Variants in PVT1 observed in about 807,000 individuals in gnomAD.
PVT1 encodes Pvt1 oncogene, also known as CXCR4/PVT1 fusion.
At chr8:128,031,302 C>T (rs1015157019) in intron 4 of PVT1, among the ~76,000 whole-genome samples, 17 of 152,206 alleles carry the variant, frequency 1.1e-4, no homozygotes, top group African/African-American at 3.9e-4. Flanking sequence ...AGGGGCTGCT[C>T]GCCCAGCCAA....
chr8:127,865,490 T>C (rs1171247519), intron 2 of PVT1, among the ~76,000 whole-genome samples: 3 of 152,118 alleles, frequency 2.0e-5, no homozygotes, highest in Non-Finnish European at 4.4e-5. Context: ...CACAGAGTCC[T>C]TACAAGTGGG....
chr8:127,802,900 G>C (rs1348796694), intron 2 of PVT1, among the ~76,000 whole-genome samples: 1 of 152,070 alleles, frequency 6.6e-6, no homozygotes, highest in African/African-American at 2.4e-5. Flanking sequence ...GAAGAGACTC[G>C]CCCAGGAGGG....
intron 4 of PVT1, among the ~76,000 whole-genome samples, chr8:128,001,995 A>G (rs150250117): frequency 6.6e-6 from 1 of 152,192 alleles, no homozygotes. Context: ...AGACACCGAC[A>G]TTCAGACTGT....
chr8:127,815,936 C>A (rs752515224), intron 2 of PVT1, among the ~76,000 whole-genome samples: 34 of 152,086 alleles, frequency 2.2e-4, no homozygotes, highest in Non-Finnish European at 4.6e-4. Context: ...CCAGCCTGGC[C>A]AACATAGTGA....
intron 2 of PVT1, among the ~76,000 whole-genome samples, chr8:127,819,883 G>A (rs1289716101): frequency 6.6e-6 from 1 of 152,206 alleles, no homozygotes; most frequent in Non-Finnish European, 1.5e-5. Context: ...ATTAGAAGGT[G>A]CGTGTCTCTT....
Position 127,830,934 on chromosome 8 carries a change from T to A in PVT1, n.372+34863T>A, listed in dbSNP as rs572515830. 2.0e-4 allele frequency among the ~76,000 whole-genome samples: 30 copies of A among 152,288 alleles called. No individual in the cohort carries two copies. The Middle Eastern group carries it at 0.01, about 52-fold the overall frequency. ...AGACATCGGACTCCAAGTTCTTCAG[T>A]TTTGAGGCTTGGACTGGCTCTCCTT... On this transcript the variant is annotated intron_variant and non_coding_transcript_variant, in intron 2 of 10. Transcript: ENST00000651587.
intron 4 of PVT1, among the ~76,000 whole-genome samples, chr8:128,032,175 C>T (rs1315021822): frequency 3.3e-5 from 5 of 152,158 alleles, no homozygotes; most frequent in Non-Finnish European, 5.9e-5. Context: ...AGCAGTCATT[C>T]GGTGGAGTCT....
At chr8:127,901,629 C>G (rs750873854) in intron 3 of PVT1, among the ~76,000 whole-genome samples, 4 of 152,006 alleles carry the variant, frequency 2.6e-5, no homozygotes, top group Non-Finnish European at 4.4e-5. Flanking sequence ...CTAGGCTGGT[C>G]TCAAACTTTT....
intron 4 of PVT1, among the ~76,000 whole-genome samples, chr8:128,039,404 TTTCAGTGTTCCCTCCC>T (rs1432247975): frequency 1.3e-5 from 2 of 152,200 alleles, no homozygotes; most frequent in Admixed American, 1.3e-4. Flanking sequence ...AGTTAACACC[TTTCAGTGTTCCCTCCC>T]TTCCTGTTGT....
At chr8:127,970,298 T>TTTTTG (rs1447501951) in intron 3 of PVT1, among the ~76,000 whole-genome samples, 7 of 120,726 alleles carry the variant, frequency 5.8e-5, no homozygotes, top group South Asian at 3.5e-4. Context: ...TGTTTTTTTT[T>TTTTTG]TTTTTTTTTT....
At chr8:128,011,502 C>T (rs1817314645) in intron 4 of PVT1, among the ~76,000 whole-genome samples, 1 of 152,138 alleles carries the variant, frequency 6.6e-6, no homozygotes, top group Non-Finnish European at 1.5e-5. Flanking sequence ...GAGCCATCCA[C>T]AATGCAAGGA....
intron 4 of PVT1, among the ~76,000 whole-genome samples, chr8:128,052,504 T>G (rs1349038901): frequency 2.0e-5 from 3 of 152,264 alleles, no homozygotes; most frequent in African/African-American, 7.2e-5. Context: ...TTCTTAGCTC[T>G]TGTGAAGGTA....
At chr8:127,826,994 C>T (rs76308554) in intron 2 of PVT1, among the ~76,000 whole-genome samples, 11 of 113,932 alleles carry the variant, frequency 9.7e-5, no homozygotes, top group African/African-American at 1.4e-4. Flanking sequence ...TTCTTTTTCT[C>T]TTTTTTTTTT....
At chr8:128,046,855 C>T (rs1813620028) in intron 4 of PVT1, among the ~76,000 whole-genome samples, 1 of 152,212 alleles carries the variant, frequency 6.6e-6, no homozygotes, top group African/African-American at 2.4e-5. Context: ...CTCTTAGTTT[C>T]TCCATCTCTA....
At chr8:127,884,882 C>T (rs942359757) in intron 2 of PVT1, among the ~76,000 whole-genome samples, 1 of 152,224 alleles carries the variant, frequency 6.6e-6, no homozygotes, top group African/African-American at 2.4e-5. Flanking sequence ...CACTTGACTG[C>T]AGTAATACCC....
chr8:127,883,738 G>A (rs868447388), intron 2 of PVT1, among the ~76,000 whole-genome samples: 20 of 152,342 alleles, frequency 1.3e-4, no homozygotes, highest in Admixed American at 1.0e-3. Flanking sequence ...GAGGCAGAGA[G>A]GAGAGAGATG....
At chr8:127,855,872 C>A (rs1447189898) in intron 2 of PVT1, among the ~76,000 whole-genome samples, 11 of 152,366 alleles carry the variant, frequency 7.2e-5, no homozygotes, top group Middle Eastern at 3.4e-3. Context: ...GGGGGCCCCA[C>A]ACCTGTGCAG....
At chr8:127,959,576 T>A (rs1364207037) in intron 3 of PVT1, among the ~76,000 whole-genome samples, 1 of 124,564 alleles carries the variant, frequency 8.0e-6, no homozygotes, top group Non-Finnish European at 1.6e-5. Flanking sequence ...AGCGCGAGAC[T>A]CTGTCTCAGG....
chr8:127,990,374 C>T (rs182011482), intron 4 of PVT1, among the ~76,000 whole-genome samples: 81 of 151,842 alleles, frequency 5.3e-4, no homozygotes, highest in African/African-American at 1.8e-3. Flanking sequence ...AGTGCCTGAC[C>T]GAGGGTGAAA....
Sources: gnomAD v4.1 joint callset for allele counts (sites outside exome capture counted in the v4.1 genomes callset) on GRCh38, gnomAD v4.1.1 for gene constraint, MANE v1.5 for transcripts, NCBI Gene and HGNC (gene_info 2026-07-23, HGNC 2026-07-21) for gene names.